Variants in ATP5PB observed in about 807,000 individuals in gnomAD.
ATP5PB encodes ATP synthase peripheral stalk subunit b, mitochondrial.
In ATP5PB, 21 loss-of-function variants were observed where a neutral mutation model predicts 34.5. That is an observed-to-expected ratio of 0.61 (90% CI 0.43 to 0.88). ATP5PB has a LOEUF of 0.88. ATP5PB is among the 40% of genes least tolerant of loss of function. The pLI is 0.00. For synonymous variants in ATP5PB, 108 were observed against 114.1 expected, an observed-to-expected ratio of 0.95 and a Z score of 0.34; for missense variants, 293 against 317.4, an observed-to-expected ratio of 0.92 and a Z score of 0.58.
At chr1:111,450,145 G>T (rs1448303733) in intron 2 of ATP5PB, among the ~76,000 whole-genome samples, 1 of 152,154 alleles carries the variant, frequency 6.6e-6, no homozygotes, top group Non-Finnish European at 1.5e-5. Context: ...ACTCCTTTGT[G>T]ACCTTCCCTT....
At chr1:111,456,864 GAA>G in intron 5 of ATP5PB, 109 bp downstream of exon 5, 1 of 1,320,054 alleles carries the variant, frequency 7.6e-7, no homozygotes, top group Non-Finnish European at 9.9e-7. Context: ...ATTTTATTTA[GAA>G]AAGAGAAGAT....
At position 111,462,404 on chromosome 1, in the gene ATP5PB, T is replaced by G. The variant is rs1354189520; in HGVS notation, c.*1410T>G. 3 of 152,252 alleles carry G rather than the reference T, an allele frequency of 2.0e-5. No individual in the cohort carries two copies. The highest frequency in any genetic ancestry group is 7.2e-5 in the African/African-American group (3 of 41,458). The allele number at this position is 152,252 out of a possible 1,614,324, so 9.4% of individuals were successfully genotyped here. A position where few individuals can be genotyped will look rare whatever the true frequency, so the allele number is the denominator to read the frequency against. ...TGTATTTAATACTGTTCTTAAATGGTACACTTAAAAATGGTAAATTTTATG... is the reference window on the plus strand; with the variant it reads ...TGTATTTAATACTGTTCTTAAATGGGACACTTAAAAATGGTAAATTTTATG... On this transcript the variant is annotated 3_prime_UTR_variant, in exon 7 of 7. Coordinates refer to ENST00000369722, the MANE Select transcript of ATP5PB (RefSeq NM_001688.5).
At position 111,449,579 on chromosome 1, in the gene ATP5PB, C is replaced by T; in HGVS notation, c.38C>T (p.Ala13Val). Residue 13 changes from alanine to valine, a missense_variant and splice_region_variant, in exon 1 of 7, where the codon GCG becomes GTG. Coordinates refer to ENST00000369722, the MANE Select transcript of ATP5PB (RefSeq NM_001688.5). ...SRVVLSAAAT[A>V]APSLKNAAFL... ...GTGGTACTTTCCGCCGCCGCCACAG[C>T]GGGTAAGGGGTATAGACCCTGCTCT... 1.2e-6 allele frequency: 2 copies of T among 1,607,544 alleles called. No individual in the cohort carries two copies. The highest frequency in any genetic ancestry group is 1.7e-6 in the Non-Finnish European group (2 of 1,176,458).
rs1471326167 is a variant in ATP5PB at position 111,459,350 on chromosome 1, C to A, written c.514-107C>A. 4 of 1,073,338 alleles carry A rather than the reference C, an allele frequency of 3.7e-6. No homozygotes were observed. The East Asian group carries it at 7.8e-5, about 21-fold the overall frequency. 66.5% of individuals were successfully genotyped at this position (1,073,338 alleles called of 1,614,324 possible). On this transcript the variant is annotated intron_variant, in intron 5 of 6. Coordinates refer to ENST00000369722, the MANE Select transcript of ATP5PB (RefSeq NM_001688.5). ...TATTACCTATTAAATAAAAGAATTT[C>A]ACGTAAAATACAAAAGAAGTGGGCA...
At position 111,454,444 on chromosome 1, in the gene ATP5PB, G is replaced by T. The variant is rs745532829; in HGVS notation, c.223+88G>T. On this transcript the variant is annotated intron_variant, in intron 3 of 6. Transcript: ENST00000369722. ...TGGGTTTTCTTCTTTGGTTTTTGTTGTTGTTGTTGTTGTTGTTGTTGTTGT... is the reference window on the plus strand; with the variant it reads ...TGGGTTTTCTTCTTTGGTTTTTGTTTTTGTTGTTGTTGTTGTTGTTGTTGT... 3.5e-4 allele frequency: 472 copies of T among 1,351,310 alleles called. 3 individuals are homozygous for T. The highest frequency in any genetic ancestry group is 1.1e-3 in the South Asian group (72 of 67,294). 83.7% of individuals were successfully genotyped at this position (1,351,310 alleles called of 1,614,324 possible).
rs1280051944 is a variant in ATP5PB, at chr1:111,454,272, C to G, written c.139C>G (p.Leu47Val). 2 of 1,613,580 alleles carry G rather than the reference C, an allele frequency of 1.2e-6. No individual in the cohort carries two copies. The highest frequency in any genetic ancestry group is 2.7e-5 in the African/African-American group (2 of 75,006). The change falls in exon 3 of 7, where the codon CTT becomes GTT. Residue 47 changes from leucine to valine, a missense_variant. Coordinates refer to ENST00000369722, the MANE Select transcript of ATP5PB (RefSeq NM_001688.5). ...GCCACACCTTGTCCCTGTACCACCTCTTCCTGAATACGGAGGAAAAGTTCG... is the reference window on the plus strand; with the variant it reads ...GCCACACCTTGTCCCTGTACCACCTGTTCCTGAATACGGAGGAAAAGTTCG... ...GQPHLVPVPP[L>V]PEYGGKVRYG...
At chr1:111,451,980 A>G (rs1224348775) in intron 2 of ATP5PB, among the ~76,000 whole-genome samples, 2 of 152,136 alleles carry the variant, frequency 1.3e-5, no homozygotes, top group East Asian at 1.9e-4. Flanking sequence ...TTAGCTGGGC[A>G]TTGTGGTGTA....
Position 111,456,149 on chromosome 1 carries a change from G to A in ATP5PB, c.287G>A (p.Ser96Asn). ...YALSKEIYVI[S>N]AETFTALSVL... ...TTATCCAAAGAAATATATGTGATTA[G>A]CGCAGAGACCTTCACTGCCCTATCA... Residue 96 changes from serine to asparagine, a missense_variant, in exon 4 of 7, where the codon AGC becomes AAC. Transcript: ENST00000369722. The A allele has an allele frequency of 6.2e-7, 1 of 1,612,874 alleles. No individual in the cohort carries two copies. The highest frequency in any genetic ancestry group is 2.2e-5 in the East Asian group (1 of 44,802).
intron 2 of ATP5PB, among the ~76,000 whole-genome samples, chr1:111,453,152 A>G (rs887108459): frequency 1.3e-5 from 2 of 152,210 alleles, no homozygotes; most frequent in African/African-American, 2.4e-5. Context: ...GAAGGAGACT[A>G]AATGACAGCA....
chr1:111,453,370 T>C (rs567386606), intron 2 of ATP5PB, among the ~76,000 whole-genome samples: 2 of 151,022 alleles, frequency 1.3e-5, no homozygotes, highest in Non-Finnish European at 2.9e-5. Context: ...CAGACTATAC[T>C]TAAAGTATTA....
intron 6 of ATP5PB, among the ~76,000 whole-genome samples, chr1:111,459,914 C>T (rs1190504469): frequency 6.6e-6 from 1 of 152,076 alleles, no homozygotes; most frequent in East Asian, 1.9e-4. Flanking sequence ...CCTGTAATCC[C>T]AACACTTTGG....
chr1:111,456,831 G>A (rs1571377464), intron 5 of ATP5PB, 76 bp downstream of exon 5: 1 of 1,472,264 alleles, frequency 6.8e-7, no homozygotes, highest in Non-Finnish European at 9.0e-7. Context: ...TTTTTATGAA[G>A]AATGGTTAAA....
chr1:111,456,807 T>G (rs1653487449), intron 5 of ATP5PB, 52 bp downstream of exon 5: 1 of 1,501,016 alleles, frequency 6.7e-7, no homozygotes, highest in Non-Finnish European at 8.9e-7. Flanking sequence ...GTGTGCATTT[T>G]TTTAATTCAG....
At chr1:111,455,087 A>G (rs1571376520) in intron 3 of ATP5PB, among the ~76,000 whole-genome samples, 1 of 152,182 alleles carries the variant, frequency 6.6e-6, no homozygotes, top group East Asian at 1.9e-4. Context: ...TCTCTCTACT[A>G]CATGTACTGC....
Position 111,455,093 on chromosome 1 carries a change from A to G in ATP5PB, c.223+737A>G, listed in dbSNP as rs142351211. Among the ~76,000 whole-genome samples, 34 of 152,314 alleles carry G rather than the reference A, an allele frequency of 2.2e-4. No individual in the cohort carries two copies. In the East Asian group the frequency reaches 6.6e-3, roughly 29 times the overall value. ...GTTTATGATTCTCTCTACTACATGT[A>G]CTGCCTTTCTTGGCCCATACCCAAG... On this transcript the variant is annotated intron_variant, in intron 3 of 6. Coordinates refer to ENST00000369722, the MANE Select transcript of ATP5PB (RefSeq NM_001688.5).
intron 2 of ATP5PB, 58 bp from the exon 3 acceptor site, chr1:111,454,153 A>C (rs1303184668): frequency 6.9e-7 from 1 of 1,445,238 alleles, no homozygotes; most frequent in Non-Finnish European, 9.1e-7. Context: ...CTCATTATTC[A>C]TACACTGTAT....
At chr1:111,454,167 C>T in intron 2 of ATP5PB, 44 bp from the exon 3 acceptor site, 2 of 1,514,672 alleles carry the variant, frequency 1.3e-6, no homozygotes, top group Non-Finnish European at 8.8e-7. Flanking sequence ...ACTGTATTCT[C>T]CTTAAAGAAA....
intron 2 of ATP5PB, among the ~76,000 whole-genome samples, chr1:111,450,646 C>T (rs1431027673): frequency 6.6e-6 from 1 of 152,124 alleles, no homozygotes; most frequent in Non-Finnish European, 1.5e-5. Flanking sequence ...AAAATTGTTC[C>T]ATAAGACATG....
intron 2 of ATP5PB, among the ~76,000 whole-genome samples, chr1:111,452,795 C>T (rs1041832315): frequency 6.1e-5 from 9 of 147,178 alleles, no homozygotes; most frequent in African/African-American, 2.2e-4. Flanking sequence ...TAGGATGGGT[C>T]GGGGAGGGAG....
Sources: gnomAD v4.1 joint callset for allele counts (sites outside exome capture counted in the v4.1 genomes callset) on GRCh38, gnomAD v4.1.1 for gene constraint, MANE v1.5 for transcripts, NCBI Gene and HGNC (gene_info 2026-07-23, HGNC 2026-07-21) for gene names.